Variants in DMXL1 observed in about 807,000 individuals in gnomAD.
The protein encoded by DMXL1 is dmX-like protein 1.
Under a neutral mutation model 319.2 loss-of-function variants are expected in DMXL1, and 99 were observed. The ratio of observed to expected loss-of-function variants is 0.31; its 90% CI spans 0.26 to 0.37. The LOEUF is 0.37. Among genes scored for constraint, DMXL1 ranks in the 10% least tolerant of loss-of-function variants. DMXL1 has a pLI of 1.00. For missense variants in DMXL1, 3,745 were observed against 3,595.6 expected, an observed-to-expected ratio of 1.04 and a Z score of -1.06; for synonymous variants, 1,385 against 1,235.2, an observed-to-expected ratio of 1.12 and a Z score of -2.54.
chr5:119,185,526 A>G (rs1777562551), intron 28 of DMXL1, among the ~76,000 whole-genome samples: 1 of 152,070 alleles, frequency 6.6e-6, no homozygotes. Flanking sequence ...TTTTTGAGAC[A>G]GAGTCTCACT....
intron 14 of DMXL1, among the ~76,000 whole-genome samples, chr5:119,144,309 A>G (rs1318775347): frequency 6.6e-6 from 1 of 151,852 alleles, no homozygotes; most frequent in Non-Finnish European, 1.5e-5. Flanking sequence ...GGTGGATATT[A>G]TTTCTTACTT....
At chr5:119,210,757 G>GTTTTTTTT in intron 34 of DMXL1, among the ~76,000 whole-genome samples, 1 of 89,778 alleles carries the variant, frequency 1.1e-5, no homozygotes, top group African/African-American at 4.1e-5. Flanking sequence ...TTTTTCTTTC[G>GTTTTTTTT]TTTTTTTTTT....
intron 37 of DMXL1, 66 bp from the exon 38 acceptor site, chr5:119,224,643 C>G: frequency 1.7e-6 from 1 of 572,306 alleles, no homozygotes; most frequent in Non-Finnish European, 3.0e-6. Flanking sequence ...ATTTGAATTT[C>G]CTGTCACAAT....
chr5:119,100,392 T>A (rs1756980518), intron 2 of DMXL1, among the ~76,000 whole-genome samples: 1 of 150,950 alleles, frequency 6.6e-6, no homozygotes, highest in Non-Finnish European at 1.5e-5. Flanking sequence ...GCTGAGATCG[T>A]GCCACTGCAT....
chr5:119,113,056 C>CTTTTTTTTTTTTTTT (rs1215548246), intron 5 of DMXL1, among the ~76,000 whole-genome samples: 2 of 152,156 alleles, frequency 1.3e-5, no homozygotes, highest in African/African-American at 4.8e-5. Context: ...GTTCACTTCT[C>CTTTTTTTTTTTTTTT]TTTTTTGTTC....
At position 119,150,060 on chromosome 5, in the gene DMXL1, A is replaced by C; in HGVS notation, c.4233A>C (p.Leu1411Phe). The change falls in exon 18 of 44, where the codon TTA becomes TTC. Residue 1411 changes from leucine (L) to phenylalanine (F), a missense_variant. Physicochemically the swap from Leu to Phe is conservative, Grantham distance 22 (BLOSUM62 0). Transcript: ENST00000539542. ...TTCCTCCACTTCCTTTATATGCCTT[A>C]CTTGCAGCAGATGATGATAGCTGTT... ...DSVPPLPLYA[L>F]LAADDDSCYS... is the part of the protein sequence containing the mutation. 2 of 1,613,962 alleles carry C rather than the reference A, an allele frequency of 1.2e-6. No individual in the cohort carries two copies. Among genetic ancestry groups the C allele is most frequent in the Non-Finnish European group, 1.7e-6 (2 of 1,179,912 alleles).
chr5:119,074,471 C>T (rs1160821907), intron 1 of DMXL1, among the ~76,000 whole-genome samples: 1 of 152,132 alleles, frequency 6.6e-6, no homozygotes, highest in African/African-American at 2.4e-5. Flanking sequence ...CTTACGTGTT[C>T]TTGGTTTGAA....
At chr5:119,077,593 C>A (rs1477486758) in intron 1 of DMXL1, among the ~76,000 whole-genome samples, 1 of 143,718 alleles carries the variant, frequency 7.0e-6, no homozygotes, top group African/African-American at 2.6e-5. Context: ...AAGCGATCCT[C>A]CCACGTGGCT....
intron 1 of DMXL1, among the ~76,000 whole-genome samples, chr5:119,080,549 ACAAT>A (rs1040514686): frequency 2.0e-5 from 3 of 152,090 alleles, no homozygotes. Context: ...TTTTTCTTAT[ACAAT>A]CAATCAAGCC....
chr5:119,149,984 C>G lies in DMXL1; in HGVS notation c.4157C>G (p.Pro1386Arg). 1 of 1,613,874 alleles carries G rather than the reference C, an allele frequency of 6.2e-7. No homozygotes were observed. Among genetic ancestry groups the G allele is most frequent in the African/African-American group, 1.3e-5 (1 of 75,000 alleles). The part of the protein sequence containing the change: ...ISASGSTTRD[P>R]QAFNKAENTD... The stretch of plus-strand genomic sequence containing the variant: ...GCTAGTGGAAGCACTACCAGAGACC[C>G]CCAGGCATTCAACAAGGCTGAAAAT... The change falls in exon 18 of 44, where the codon CCC becomes CGC. Residue 1386 changes from proline (P) to arginine (R), a missense_variant. Physicochemically the swap from Pro to Arg is moderately radical, Grantham distance 103. Coordinates refer to ENST00000539542, the MANE Select transcript of DMXL1 (RefSeq NM_001290321.3).
Position 119,148,943 on chromosome 5 carries a change from G to A in DMXL1, c.3116G>A (p.Ser1039Asn). ...LIEDGLQSNSSITVPGRPVEV... is the reference protein window; with the variant it reads ...LIEDGLQSNSNITVPGRPVEV... Reference sequence around the variant, plus strand: ...GAAGATGGACTTCAGAGCAATAGTAGTATAACTGTACCTGGTAGGCCTGTA... The same window carrying A: ...GAAGATGGACTTCAGAGCAATAGTAATATAACTGTACCTGGTAGGCCTGTA... Residue 1039 changes from serine (S) to asparagine (N), a missense_variant, in exon 18 of 44, where the codon AGT becomes AAT. Ser to Asn is a conservative substitution (Grantham distance 46). Around this residue, in one of 4 missense-constraint regions of DMXL1, gnomAD observed 2,096 missense variants for 1,985.4 expected, o/e 1.06. Transcript: ENST00000539542. 6.2e-7 allele frequency: 1 copy of A among 1,613,918 alleles called. No homozygotes were observed. Among genetic ancestry groups the A allele is most frequent in the Non-Finnish European group, 8.5e-7 (1 of 1,179,846 alleles).
chr5:119,185,415 G>T (rs974025286), intron 28 of DMXL1, among the ~76,000 whole-genome samples: 1 of 152,154 alleles, frequency 6.6e-6, no homozygotes, highest in African/African-American at 2.4e-5. Context: ...CCATGTTCAA[G>T]ATACGGTGTA....
intron 35 of DMXL1, 41 bp from the exon 36 acceptor site, chr5:119,220,431 T>G: frequency 6.2e-7 from 1 of 1,600,424 alleles, no homozygotes; most frequent in Non-Finnish European, 8.5e-7. Context: ...CTATCTCTTT[T>G]GCCTATTGCT....
intron 1 of DMXL1, among the ~76,000 whole-genome samples, chr5:119,084,722 C>T (rs568444432): frequency 1.5e-4 from 23 of 151,908 alleles, no homozygotes; most frequent in Admixed American, 3.3e-4. Flanking sequence ...AAAATTAGCC[C>T]GGCGTGGTGG....
chr5:119,132,601 C>G (rs575387359), intron 10 of DMXL1: 1 of 295,632 alleles, frequency 3.4e-6, no homozygotes, highest in South Asian at 3.1e-5. Flanking sequence ...TGCTTGGACC[C>G]GGGCAGCAGA....
chr5:119,138,232 A>G (rs1766476537), intron 13 of DMXL1, among the ~76,000 whole-genome samples: 1 of 152,160 alleles, frequency 6.6e-6, no homozygotes, highest in Non-Finnish European at 1.5e-5. Flanking sequence ...CTATGAATGG[A>G]CTGGATGCGG....
chr5:119,242,403 T>A (rs1390769091), intron 42 of DMXL1, among the ~76,000 whole-genome samples: 1 of 152,194 alleles, frequency 6.6e-6, no homozygotes, highest in Admixed American at 6.5e-5. Flanking sequence ...TACTGAGACA[T>A]AAATCTAACA....
intron 30 of DMXL1, among the ~76,000 whole-genome samples, chr5:119,195,972 C>A (rs962853872): frequency 6.6e-6 from 1 of 152,292 alleles, no homozygotes; most frequent in South Asian, 2.1e-4. Context: ...GCAAAAGCAT[C>A]TATCTAAATT....
intron 1 of DMXL1, among the ~76,000 whole-genome samples, chr5:119,086,152 A>G (rs1753306321): frequency 6.6e-6 from 1 of 152,206 alleles, no homozygotes. Context: ...CAATGGCAAG[A>G]GAGAGAATGA....
Sources: allele counts gnomAD v4.1 joint callset (sites outside exome capture counted in the v4.1 genomes callset), GRCh38; gene constraint gnomAD v4.1.1; regional missense constraint gnomAD v4.1.1; transcripts MANE v1.5; gene names NCBI Gene and HGNC (gene_info 2026-07-23, HGNC 2026-07-21).